Variants in PRKCQ observed in about 807,000 individuals in gnomAD.
PRKCQ encodes protein kinase C theta type.
In PRKCQ, 41 loss-of-function variants were observed where a neutral mutation model predicts 91.2. The ratio of observed to expected loss-of-function variants is 0.45; its 90% confidence interval spans 0.35 to 0.58. The LOEUF (loss-of-function observed/expected upper bound fraction) is 0.58, where lower values mean the gene tolerates loss of function less well. Ranked by LOEUF, PRKCQ falls within the 20% of genes least tolerant of loss-of-function variation. The pLI is 0.00. For missense variants in PRKCQ, 673 were observed against 896.5 expected, an observed-to-expected ratio of 0.75 and a Z score of 3.18; for synonymous variants, 307 against 316.9, an observed-to-expected ratio of 0.97 and a Z score of 0.33.
chr10:6,431,334 GCACA>G (rs1169501258), intron 16 of PRKCQ, among the ~76,000 whole-genome samples: 2 of 152,136 alleles, frequency 1.3e-5, no homozygotes, highest in African/African-American at 4.8e-5. Flanking sequence ...GCACACACGT[GCACA>G]CAGACAGGCA....
the PRKCQ span, among the ~76,000 whole-genome samples, chr10:6,404,496 TTTCTTTCTCTGTCTCTCC>T: frequency 7.4e-6 from 1 of 136,012 alleles, no homozygotes; most frequent in African/African-American, 2.6e-5. Context: ...CTCTCTTTCC[TTTCTTTCTCTGTCTCTCC>T]TTCCTCCCTC....
At chr10:6,435,939 C>T (rs1003104084) in intron 16 of PRKCQ, among the ~76,000 whole-genome samples, 27 of 152,128 alleles carry the variant, frequency 1.8e-4, no homozygotes, top group African/African-American at 6.0e-4. Context: ...CATGGCAAAA[C>T]CCGTCTCTAC....
intron 1 of PRKCQ, 141 bp from the exon 2 acceptor site, chr10:6,515,285 C>A: frequency 6.5e-7 from 1 of 1,533,278 alleles, no homozygotes; most frequent in South Asian, 1.2e-5. Flanking sequence ...CAAATGTTTT[C>A]ACTTCCCCTT....
chr10:6,505,331 T>C (rs917699356), intron 4 of PRKCQ, among the ~76,000 whole-genome samples: 1 of 152,262 alleles, frequency 6.6e-6, no homozygotes, highest in African/African-American at 2.4e-5. Flanking sequence ...ATCCATGGAA[T>C]TGTTTTTCAA....
At chr10:6,431,615 TAG>T (rs1193347703) in intron 16 of PRKCQ, among the ~76,000 whole-genome samples, 1 of 152,346 alleles carries the variant, frequency 6.6e-6, no homozygotes, top group African/African-American at 2.4e-5. Context: ...CCCAACAGCA[TAG>T]AGTCAGTGAT....
chr10:6,423,859 G>C (rs935736923), downstream of PRKCQ, among the ~76,000 whole-genome samples: 5 of 152,166 alleles, frequency 3.3e-5, no homozygotes, highest in Non-Finnish European at 7.3e-5. Flanking sequence ...CCTGTAGGAC[G>C]AAGTAATTTC....
At chr10:6,396,562 C>G in the PRKCQ span, among the ~76,000 whole-genome samples, 2 of 152,230 alleles carry the variant, frequency 1.3e-5, no homozygotes, top group Admixed American at 6.5e-5. Flanking sequence ...TTGCTTCTTC[C>G]AGTTAGCTTA....
intron 1 of PRKCQ, among the ~76,000 whole-genome samples, chr10:6,538,793 C>T (rs1309531458): frequency 6.6e-6 from 1 of 152,022 alleles, no homozygotes; most frequent in Non-Finnish European, 1.5e-5. Context: ...TTTATTTATT[C>T]ATTTATTTAT....
At chr10:6,578,260 G>A (rs904114454) in intron 1 of PRKCQ, among the ~76,000 whole-genome samples, 8 of 152,208 alleles carry the variant, frequency 5.3e-5, no homozygotes, top group African/African-American at 1.9e-4. Context: ...GAGCGAAGAC[G>A]CAATGAGGAC....
rs76177695 is a variant in PRKCQ, at chr10:6,549,323, G to A, written c.-10+30888C>T. 4.1e-3 allele frequency among the ~76,000 whole-genome samples: 619 copies of A among 152,260 alleles called. 1 individual carries two copies. The highest frequency in any genetic ancestry group is 0.014 in the African/African-American group (584 of 41,536). ...GGGTAGAATTTATGTAGATAGGGAG[G>A]AAGTACGGGATATTCTGGAAGGGCA... On this transcript the variant is annotated intron_variant, in intron 1 of 17. Transcript: ENST00000263125.
chr10:6,412,145 CAA>C, the PRKCQ span, among the ~76,000 whole-genome samples: 5 of 152,262 alleles, frequency 3.3e-5, no homozygotes, highest in South Asian at 2.1e-4. Context: ...CTCCTCGACT[CAA>C]GAGATTCTCC....
intron 14 of PRKCQ, among the ~76,000 whole-genome samples, chr10:6,458,342 C>G (rs1326511092): frequency 6.6e-6 from 1 of 152,130 alleles, no homozygotes; most frequent in Non-Finnish European, 1.5e-5. Flanking sequence ...AGTGAGGACC[C>G]CTGGAGCCAG....
intron 13 of PRKCQ, among the ~76,000 whole-genome samples, chr10:6,463,375 C>T (rs574945300): frequency 1.3e-5 from 2 of 152,228 alleles, no homozygotes; most frequent in Non-Finnish European, 2.9e-5. Context: ...GGATGGATAG[C>T]GTGGGTCCGG....
Position 6,554,325 on chromosome 10 carries a change from G to A in PRKCQ, c.-10+25886C>T, listed in dbSNP as rs78942202. 4.0e-3 allele frequency among the ~76,000 whole-genome samples: 604 copies of A among 152,312 alleles called. 1 individual carries two copies. Among genetic ancestry groups the A allele is most frequent in the African/African-American group, 0.014 (570 of 41,580 alleles). ...CAGTAGTTTCAGGAGAAAAATGGGG[G>A]TCCAAACTGGGAATTAAAGTGTGGT... On this transcript the variant is annotated intron_variant, in intron 1 of 17. Transcript: ENST00000263125.
intron 17 of PRKCQ, among the ~76,000 whole-genome samples, chr10:6,429,582 G>T (rs1041854714): frequency 3.9e-5 from 6 of 152,112 alleles, no homozygotes; most frequent in African/African-American, 7.2e-5. Flanking sequence ...CTTCAGCACG[G>T]ATATGGCCCA....
At chr10:6,440,642 C>A (rs1186474856) in intron 16 of PRKCQ, among the ~76,000 whole-genome samples, 1 of 152,118 alleles carries the variant, frequency 6.6e-6, no homozygotes, top group African/African-American at 2.4e-5. Context: ...AGCTGCCAAT[C>A]ACGAGCTCTG....
intron 1 of PRKCQ, among the ~76,000 whole-genome samples, chr10:6,565,568 G>A (rs1318080781): frequency 6.6e-6 from 1 of 152,084 alleles, no homozygotes; most frequent in Non-Finnish European, 1.5e-5. Flanking sequence ...GAAAGAAATT[G>A]CATTTATTTT....
rs971078451 is a variant in PRKCQ at position 6,430,585 on chromosome 10, G to A, written c.1965+225C>T. Among the ~76,000 whole-genome samples the A allele has an allele frequency of 7.2e-5, 11 of 152,132 alleles. No individual in the cohort carries two copies. The highest frequency in any genetic ancestry group is 1.5e-4 in the Non-Finnish European group (10 of 68,028). On this transcript the variant is annotated intron_variant, in intron 17 of 17. Transcript: ENST00000263125. The surrounding 1 kb of genome is among the most constrained non-coding windows in gnomAD (Gnocchi z 4.7). Reference sequence around the variant, plus strand: ...ACAGCAATCCATTCTTCATGCAGGCGCATCTTGACGACAGAGATTAAATTT... The same window carrying A: ...ACAGCAATCCATTCTTCATGCAGGCACATCTTGACGACAGAGATTAAATTT...
At chr10:6,479,277 T>G (rs958329539) in intron 11 of PRKCQ, 112 bp from the exon 12 acceptor site, 1 of 1,251,540 alleles carries the variant, frequency 8.0e-7, no homozygotes, top group Non-Finnish European at 1.1e-6. Flanking sequence ...GGGTTCCTTC[T>G]CCAACCCCCA....
Sources: allele counts gnomAD v4.1 joint callset (sites outside exome capture counted in the v4.1 genomes callset), GRCh38; gene constraint gnomAD v4.1.1; non-coding constraint Gnocchi (gnomAD v3.1); transcripts MANE v1.5; gene names NCBI Gene and HGNC (gene_info 2026-07-23, HGNC 2026-07-21).